Variants in ARHGEF3 observed in about 807,000 individuals in gnomAD.
The protein encoded by ARHGEF3 is Rho guanine nucleotide exchange factor 3, also known as 59.8 kDA protein.
In ARHGEF3, 28 loss-of-function variants were observed where a neutral mutation model predicts 63.2. The observed-to-expected ratio is 0.44, with a 90% CI of 0.33 to 0.61. The LOEUF is 0.61. Ranked by LOEUF, ARHGEF3 falls within the 20% of genes least tolerant of loss-of-function variation. ARHGEF3 has a pLI of 0.03. For missense variants in ARHGEF3, 533 were observed against 659.3 expected, an observed-to-expected ratio of 0.81 and a Z score of 2.10; for synonymous variants, 266 against 254.2, an observed-to-expected ratio of 1.05 and a Z score of -0.44.
At chr3:57,039,974 G>A (rs1024859205) in intron 1 of ARHGEF3, among the ~76,000 whole-genome samples, 2 of 152,084 alleles carry the variant, frequency 1.3e-5, no homozygotes, top group African/African-American at 4.8e-5. Context: ...CTTTTGGGAG[G>A]GCCATTATGT....
intron 2 of ARHGEF3, among the ~76,000 whole-genome samples, chr3:57,020,680 A>G (rs565525599): frequency 6.6e-6 from 1 of 152,370 alleles, no homozygotes; most frequent in South Asian, 2.1e-4. Context: ...ATTTCAACAC[A>G]GAAGAAAGCA....
intron 2 of ARHGEF3, among the ~76,000 whole-genome samples, chr3:56,971,928 G>A (rs1700929582): frequency 1.3e-5 from 2 of 149,644 alleles, no homozygotes. Context: ...ACCTGGTGTG[G>A]TTCCCTTGTC....
At chr3:56,750,534 T>C (rs554836411) in intron 6 of ARHGEF3, among the ~76,000 whole-genome samples, 1 of 151,590 alleles carries the variant, frequency 6.6e-6, no homozygotes, top group African/African-American at 2.4e-5. Flanking sequence ...TTTATAAAAC[T>C]ACATTTTGAC....
chr3:56,846,826 A>G (rs1249866250), intron 4 of ARHGEF3, among the ~76,000 whole-genome samples: 1 of 152,186 alleles, frequency 6.6e-6, no homozygotes, highest in Non-Finnish European at 1.5e-5. Context: ...AATGCTAAGA[A>G]TCACCCACAA....
chr3:56,747,605 T>C (rs542151851), intron 6 of ARHGEF3, among the ~76,000 whole-genome samples: 2 of 152,166 alleles, frequency 1.3e-5, no homozygotes, highest in Non-Finnish European at 2.9e-5. Context: ...TGGGAGGCAC[T>C]TGAGGTCAGG....
At chr3:56,796,907 C>T (rs979252593) in intron 1 of ARHGEF3, among the ~76,000 whole-genome samples, 1 of 152,072 alleles carries the variant, frequency 6.6e-6, no homozygotes, top group Non-Finnish European at 1.5e-5. Context: ...ACGGTAAAGC[C>T]CCTAATGCAC....
intron 2 of ARHGEF3, chr3:56,960,814 C>T (rs1008430729): frequency 2.0e-5 from 3 of 152,154 alleles, no homozygotes; most frequent in Non-Finnish European, 4.4e-5. Flanking sequence ...TACATGTTGG[C>T]CTAAGTCCTT....
intron 1 of ARHGEF3, among the ~76,000 whole-genome samples, chr3:56,782,293 GTGT>G (rs2036598820): frequency 6.6e-6 from 1 of 152,136 alleles, no homozygotes; most frequent in South Asian, 2.1e-4. Context: ...TAGGCCAAAT[GTGT>G]TTCAGAATTA....
chr3:56,940,936 G>C (rs1379822961), intron 3 of ARHGEF3: 1 of 152,072 alleles, frequency 6.6e-6, no homozygotes, highest in Non-Finnish European at 1.5e-5. Context: ...CCCCAATCTG[G>C]CATTCTGACC....
chr3:56,847,243 A>G (rs189322196), intron 4 of ARHGEF3, among the ~76,000 whole-genome samples: 1 of 152,372 alleles, frequency 6.6e-6, no homozygotes, highest in Admixed American at 6.5e-5. Context: ...CCAGCTCCTC[A>G]TAATTCACTC....
At chr3:56,976,491 C>T (rs754910227) in intron 2 of ARHGEF3, among the ~76,000 whole-genome samples, 7 of 152,204 alleles carry the variant, frequency 4.6e-5, no homozygotes, top group Non-Finnish European at 1.0e-4. Flanking sequence ...TTATTCAATA[C>T]TATATTGATC....
chr3:56,916,391 G>A, intron 3 of ARHGEF3: 1 of 1,531,530 alleles, frequency 6.5e-7, no homozygotes, highest in Non-Finnish European at 8.7e-7. Context: ...TAACTGCAGT[G>A]GAGCCCTGTG....
At chr3:57,037,877 A>T (rs1704026487) in intron 1 of ARHGEF3, among the ~76,000 whole-genome samples, 1 of 66,778 alleles carries the variant, frequency 1.5e-5, no homozygotes, top group Admixed American at 1.3e-4. Context: ...TCCGTCTCAA[A>T]AAACAAAACA....
intron 1 of ARHGEF3, among the ~76,000 whole-genome samples, chr3:57,055,644 T>C (rs1378844675): frequency 6.6e-6 from 1 of 152,106 alleles, no homozygotes; most frequent in Non-Finnish European, 1.5e-5. Context: ...ACTTTTAGGG[T>C]AAAGTCCTGT....
At chr3:56,744,397 CTTTT>C (rs34368516) in intron 7 of ARHGEF3, among the ~76,000 whole-genome samples, 8 of 124,476 alleles carry the variant, frequency 6.4e-5, no homozygotes, top group South Asian at 2.7e-4. Flanking sequence ...CTCAATAAAC[CTTTT>C]TTTTTTTTTT....
chr3:56,785,182 G>GA (rs1163865731), intron 1 of ARHGEF3, among the ~76,000 whole-genome samples: 1 of 152,174 alleles, frequency 6.6e-6, no homozygotes, highest in Non-Finnish European at 1.5e-5. Flanking sequence ...GCTGCTACGA[G>GA]ACCATGTATT....
chr3:56,771,299 C>CAAAT (rs1440440966), intron 2 of ARHGEF3, among the ~76,000 whole-genome samples: 1 of 152,082 alleles, frequency 6.6e-6, no homozygotes, highest in Non-Finnish European at 1.5e-5. Flanking sequence ...CTGAGGTGAG[C>CAAAT]AAATGTTTCC....
chr3:56,776,603 C>A (rs1389739329), intron 1 of ARHGEF3, among the ~76,000 whole-genome samples: 3 of 152,146 alleles, frequency 2.0e-5, no homozygotes, highest in Admixed American at 2.0e-4. Context: ...TTAGATTTTT[C>A]TTTTCCATTT....
chr3:56,747,056 C>A (rs557507907), intron 6 of ARHGEF3, among the ~76,000 whole-genome samples: 1 of 128,368 alleles, frequency 7.8e-6, no homozygotes, highest in East Asian at 2.6e-4. Flanking sequence ...CATGCGCGCA[C>A]ACACACACAG....
Sources: gnomAD v4.1 joint callset for allele counts (sites outside exome capture counted in the v4.1 genomes callset) on GRCh38, gnomAD v4.1.1 for gene constraint, MANE v1.5 for transcripts, NCBI Gene and HGNC (gene_info 2026-07-23, HGNC 2026-07-21) for gene names.